The following PXDNL variants were observed in gnomAD, a reference collection of about 807,000 sequenced individuals.
PXDNL encodes probable oxidoreductase PXDNL.
A neutral mutation model predicts 150.8 loss-of-function variants in PXDNL; 145 were observed. The observed-to-expected ratio is 0.96, with a 90% CI of 0.84 to 1.10. The LOEUF (loss-of-function observed/expected upper bound fraction) is 1.10, where lower values mean the gene tolerates loss of function less well. PXDNL is among the 50% of genes least tolerant of loss of function. PXDNL has a pLI of 0.00. For missense variants in PXDNL, 2,087 were observed against 1,873.9 expected (o/e 1.11, Z -2.10); for synonymous variants, 757 against 725.7 (o/e 1.04, Z -0.69).
intron 2 of PXDNL, among the ~76,000 whole-genome samples, chr8:51,640,684 A>G (rs1377832627): frequency 1.3e-5 from 2 of 152,204 alleles, no homozygotes; most frequent in Non-Finnish European, 2.9e-5. Context: ...ACTACAAAAC[A>G]CTGCTCAGTG....
intron 1 of PXDNL, among the ~76,000 whole-genome samples, chr8:51,801,040 T>C (rs10464943): frequency 0.69 from 104,803 of 152,144 alleles, 42,463 homozygotes; most frequent in Non-Finnish European, 0.9. Flanking sequence ...CATATTTTTC[T>C]TTTTGCAGAG....
chr8:51,465,586 A>G (rs1810187394), intron 8 of PXDNL, among the ~76,000 whole-genome samples: 1 of 152,176 alleles, frequency 6.6e-6, no homozygotes, highest in Non-Finnish European at 1.5e-5. Context: ...AATAAATGAC[A>G]TCCAAATAGA....
rs2036982378 is a variant in PXDNL at position 51,746,125 on chromosome 8, C to T, written c.164+63056G>A. ...GCAAGACTTTCTATTAGCAAGACTT[C>T]CATCTCCAGAAAGCTCCAGAGATGT... On this transcript the variant is annotated intron_variant, in intron 1 of 22. Coordinates refer to ENST00000356297, the MANE Select transcript of PXDNL (RefSeq NM_144651.5). 2.0e-5 allele frequency among the ~76,000 whole-genome samples: 3 copies of T among 151,460 alleles called. No individual in the cohort carries two copies. The South Asian group carries it at 6.2e-4, about 31-fold the overall frequency.
chr8:51,548,742 T>C (rs909779840), intron 4 of PXDNL, among the ~76,000 whole-genome samples: 9 of 152,062 alleles, frequency 5.9e-5, no homozygotes, highest in African/African-American at 2.2e-4. Flanking sequence ...ACAAATCTCA[T>C]AGGACCTATA....
At chr8:51,807,739 T>C (rs149579219) in intron 1 of PXDNL, among the ~76,000 whole-genome samples, 40 of 152,310 alleles carry the variant, frequency 2.6e-4, no homozygotes, top group African/African-American at 9.6e-4. Context: ...TTTAGAGGTG[T>C]GTGTCTAATG....
In PXDNL at chr8:51,721,099, G is replaced by C. The variant is rs558958649; in HGVS notation, c.165-66339C>G. ...CCTCCTGGCTGAACCCCAAGACTCA[G>C]AGCTTTGGCTCCAGGTTGAGCTTCA... On this transcript the variant is annotated intron_variant, in intron 1 of 22. Transcript: ENST00000356297. 6.2e-4 allele frequency among the ~76,000 whole-genome samples: 94 copies of C among 152,336 alleles called. 1 individual carries two copies. The highest frequency in any genetic ancestry group is 2.1e-3 in the African/African-American group (88 of 41,576).
At chr8:51,400,954 T>C (rs1488684843) in intron 17 of PXDNL, among the ~76,000 whole-genome samples, 1 of 152,204 alleles carries the variant, frequency 6.6e-6, no homozygotes, top group Non-Finnish European at 1.5e-5. Context: ...CAAAGCCTCT[T>C]GGAAAATTAA....
chr8:51,413,249 C>T lies in PXDNL; in HGVS notation c.1805G>A (p.Gly602Asp), dbSNP rs1156849377. The T allele has an allele frequency of 3.7e-6, 6 of 1,602,326 alleles. No individual in the cohort carries two copies. In the South Asian group the frequency reaches 5.5e-5, roughly 15 times the overall value. The change falls in exon 15 of 23, where the codon GGT (glycine) becomes GAT (aspartate). Residue 602 changes from glycine to aspartate, a missense_variant. Transcript: ENST00000356297. ...NMFLTVTAIQ[G>D]RQAGDDFVES... is the part of the protein sequence containing the mutation. ...AACAAAGTCATCGCCAGCTTGTCTA[C>T]CCTGTATAGCTTTGAAAATCAATTC...
chr8:51,797,188 C>A (rs546174529), intron 1 of PXDNL, among the ~76,000 whole-genome samples: 1 of 152,102 alleles, frequency 6.6e-6, no homozygotes, highest in South Asian at 2.1e-4. Context: ...ATAATAAGAG[C>A]CATTTATGAC....
At chr8:51,689,730 G>A (rs757574226) in intron 1 of PXDNL, among the ~76,000 whole-genome samples, 2 of 152,234 alleles carry the variant, frequency 1.3e-5, no homozygotes, top group South Asian at 2.1e-4. Context: ...CTTTGATTCC[G>A]GTAATATAAG....
intron 17 of PXDNL, among the ~76,000 whole-genome samples, chr8:51,378,681 A>G (rs1661387482): frequency 6.6e-6 from 1 of 152,104 alleles, no homozygotes. Context: ...GAAGATCTGC[A>G]ACTTCACTGC....
At chr8:51,495,893 CAACAGAAAA>C (rs1387185854) in intron 5 of PXDNL, among the ~76,000 whole-genome samples, 4 of 152,132 alleles carry the variant, frequency 2.6e-5, no homozygotes, top group African/African-American at 9.7e-5. Context: ...CTATTCCAAT[CAACAGAAAA>C]AGAGGGAATC....
At chr8:51,580,666 A>G (rs956602400) in intron 3 of PXDNL, among the ~76,000 whole-genome samples, 4 of 152,186 alleles carry the variant, frequency 2.6e-5, no homozygotes, top group Admixed American at 1.3e-4. Flanking sequence ...GAGACTGCAT[A>G]CCATTGCCTG....
chr8:51,736,644 C>G (rs138225500), intron 1 of PXDNL, among the ~76,000 whole-genome samples: 42 of 152,348 alleles, frequency 2.8e-4, no homozygotes, highest in Non-Finnish European at 4.3e-4. Context: ...GTGTCCCTGG[C>G]AGCTATCCTC....
At chr8:51,489,675 T>A (rs1459602852) in intron 5 of PXDNL, among the ~76,000 whole-genome samples, 1 of 152,182 alleles carries the variant, frequency 6.6e-6, no homozygotes, top group African/African-American at 2.4e-5. Flanking sequence ...TGATTTCCTA[T>A]AAAATAGAAT....
intron 17 of PXDNL, among the ~76,000 whole-genome samples, chr8:51,376,053 T>A (rs1477940224): frequency 1.3e-5 from 2 of 152,234 alleles, no homozygotes; most frequent in Non-Finnish European, 2.9e-5. Context: ...ATCTTCAATT[T>A]TAATAGTTAA....
rs542418185 is a variant in PXDNL at position 51,703,526 on chromosome 8, T to C, written c.165-48766A>G. ...TTGTTTCTCTACCTTTTATTTGCCATCTTGCAAACTATTAATGTCAACTTT... is the reference window on the plus strand; with the variant it reads ...TTGTTTCTCTACCTTTTATTTGCCACCTTGCAAACTATTAATGTCAACTTT... On this transcript the variant is annotated intron_variant, in intron 1 of 22. Coordinates refer to ENST00000356297, the MANE Select transcript of PXDNL (RefSeq NM_144651.5). Among the ~76,000 whole-genome samples, 22 of 152,322 alleles carry C rather than the reference T, an allele frequency of 1.4e-4. No homozygotes were observed. The South Asian group carries it at 4.4e-3, about 30-fold the overall frequency.
intron 4 of PXDNL, among the ~76,000 whole-genome samples, chr8:51,537,097 G>C (rs945613074): frequency 6.6e-6 from 1 of 152,194 alleles, no homozygotes; most frequent in Non-Finnish European, 1.5e-5. Flanking sequence ...GACTCGGATA[G>C]TATCTCTAGG....
intron 1 of PXDNL, among the ~76,000 whole-genome samples, chr8:51,664,434 G>C (rs994512704): frequency 2.0e-5 from 3 of 152,140 alleles, no homozygotes; most frequent in African/African-American, 7.2e-5. Flanking sequence ...CACTGTTTCT[G>C]TGCCCCACAC....
Sources: gnomAD v4.1 joint callset for allele counts (sites outside exome capture counted in the v4.1 genomes callset) on GRCh38, gnomAD v4.1.1 for gene constraint, MANE v1.5 for transcripts, NCBI Gene and HGNC (gene_info 2026-07-23, HGNC 2026-07-21) for gene names.